The following DDX31 variants were observed in gnomAD, a reference collection of about 807,000 sequenced individuals.
DDX31 encodes the protein DEAD-box helicase 31, also known as ATP-dependent DNA helicase DDX31.
DDX31 carries 70 observed loss-of-function variants against 91.3 expected under a neutral mutation model. The ratio of observed to expected loss-of-function variants is 0.77; its 90% CI spans 0.63 to 0.94. The LOEUF is 0.94. Among genes scored for constraint, DDX31 ranks in the 40% least tolerant of loss-of-function variants. The pLI is 0.00. For synonymous variants in DDX31, 362 were observed against 350.6 expected (o/e 1.03, Z -0.36); for missense variants, 902 against 925.0 (o/e 0.98, Z 0.32).
intron 19 of DDX31, among the ~76,000 whole-genome samples, chr9:132,597,079 CTG>C (rs2119170261): frequency 6.6e-6 from 1 of 152,274 alleles, no homozygotes; most frequent in Admixed American, 6.5e-5. Flanking sequence ...CATTAGGAAA[CTG>C]AGGTCTGGAG....
intron 19 of DDX31, among the ~76,000 whole-genome samples, chr9:132,610,878 C>T (rs1008821579): frequency 3.3e-5 from 5 of 152,306 alleles, no homozygotes; most frequent in African/African-American, 7.2e-5. Flanking sequence ...CACATCAGAA[C>T]GGAGCCGACT....
At chr9:132,621,754 ATTC>A (rs1198818077) in intron 17 of DDX31, among the ~76,000 whole-genome samples, 3 of 152,244 alleles carry the variant, frequency 2.0e-5, no homozygotes, top group African/African-American at 4.8e-5. Context: ...CATCTACTTT[ATTC>A]TTCTTACTAC....
intron 14 of DDX31, among the ~76,000 whole-genome samples, chr9:132,633,304 T>C (rs567560005): frequency 7.2e-4 from 110 of 152,304 alleles, no homozygotes; most frequent in African/African-American, 2.5e-3. Context: ...TTGGGTAGTA[T>C]CTAGCAAAAT....
chr9:132,594,981 C>T lies in DDX31; in HGVS notation c.2126G>A (p.Arg709Gln), dbSNP rs1212041379. ...KQNAPGEPGGRPLQHSLQPTP... is the reference protein window; with the variant it reads ...KQNAPGEPGGQPLQHSLQPTP... ...CGGCTGCAGACTGTGCTGCAGGGGC[C>T]GGCCACCAGGCTCTCCAGGTGCGTT... is the stretch of plus-strand genomic sequence containing the variant. The change falls in exon 20 of 20, where the codon CGG becomes CAG. Residue 709 changes from arginine (R) to glutamine (Q), a missense_variant. Coordinates refer to ENST00000372159, the MANE Select transcript of DDX31 (RefSeq NM_022779.9). 12 of 1,614,052 alleles carry T rather than the reference C, an allele frequency of 7.4e-6. No individual in the cohort carries two copies. The highest frequency in any genetic ancestry group is 4.5e-5 in the East Asian group (2 of 44,892).
At chr9:132,597,230 C>T (rs141635353) in intron 19 of DDX31, among the ~76,000 whole-genome samples, 5 of 152,294 alleles carry the variant, frequency 3.3e-5, no homozygotes, top group Middle Eastern at 3.4e-3. Context: ...CCGCCCAGTG[C>T]GGACCATGTG....
chr9:132,641,769 A>AC (rs1833517544), intron 14 of DDX31, among the ~76,000 whole-genome samples: 1 of 152,330 alleles, frequency 6.6e-6, no homozygotes, highest in South Asian at 2.1e-4. Flanking sequence ...TTTCAGACCA[A>AC]CAGCTGCCAC....
At chr9:132,604,715 C>T (rs1435626447) in intron 19 of DDX31, among the ~76,000 whole-genome samples, 1 of 152,180 alleles carries the variant, frequency 6.6e-6, no homozygotes, top group Non-Finnish European at 1.5e-5. Context: ...CAGCAGACTT[C>T]CAGAGCACAT....
intron 17 of DDX31, among the ~76,000 whole-genome samples, chr9:132,619,682 G>T (rs1243177708): frequency 1.3e-5 from 2 of 152,022 alleles, no homozygotes; most frequent in Non-Finnish European, 2.9e-5. Context: ...TCAATACAAG[G>T]TCCCCCTAAG....
intron 19 of DDX31, among the ~76,000 whole-genome samples, chr9:132,604,930 G>A (rs570693488): frequency 6.6e-6 from 1 of 152,258 alleles, no homozygotes; most frequent in African/African-American, 2.4e-5. Context: ...CTTCACCAGG[G>A]AACAGAACCA....
intron 9 of DDX31, among the ~76,000 whole-genome samples, chr9:132,649,392 A>G (rs1171784404): frequency 6.6e-6 from 1 of 152,238 alleles, no homozygotes; most frequent in Admixed American, 6.5e-5. Flanking sequence ...GCAAGAAATT[A>G]GATGCAATGG....
chr9:132,657,882 T>C (rs1400037399), intron 6 of DDX31, among the ~76,000 whole-genome samples: 2 of 152,162 alleles, frequency 1.3e-5, no homozygotes, highest in Non-Finnish European at 2.9e-5. Context: ...TTCTACATAA[T>C]CTCAAAAATG....
At chr9:132,613,273 GGAAT>G (rs1164998220) in intron 18 of DDX31, among the ~76,000 whole-genome samples, 1 of 151,864 alleles carries the variant, frequency 6.6e-6, no homozygotes. Context: ...TGTAAAAAAG[GGAAT>G]GAAACAAATG....
At chr9:132,654,469 C>T (rs1834419904) in intron 6 of DDX31, among the ~76,000 whole-genome samples, 1 of 151,740 alleles carries the variant, frequency 6.6e-6, no homozygotes, top group Non-Finnish European at 1.5e-5. Flanking sequence ...AAAAATTAGC[C>T]AGGCGTGGTG....
intron 19 of DDX31, among the ~76,000 whole-genome samples, chr9:132,605,061 A>G (rs1203384805): frequency 6.6e-5 from 10 of 152,208 alleles, no homozygotes; most frequent in Admixed American, 6.5e-4. Context: ...AGCAGCCCCT[A>G]GAGTTCTGAA....
intron 19 of DDX31, among the ~76,000 whole-genome samples, chr9:132,607,068 A>G (rs1192395045): frequency 6.6e-6 from 1 of 152,204 alleles, no homozygotes; most frequent in African/African-American, 2.4e-5. Context: ...GGTGTGTATG[A>G]TTTCCACGAG....
intron 14 of DDX31, among the ~76,000 whole-genome samples, chr9:132,632,310 A>ACACACACACACACACACACACACACAC (rs1192130475): frequency 6.8e-6 from 1 of 147,774 alleles, no homozygotes; most frequent in Non-Finnish European, 1.5e-5. Context: ...TCCTGCATAC[A>ACACACACACACACACACACACACACAC]ACTTCAGGGG....
intron 1 of DDX31, among the ~76,000 whole-genome samples, chr9:132,667,447 A>C (rs957804734): frequency 6.6e-6 from 1 of 151,916 alleles, no homozygotes; most frequent in African/African-American, 2.4e-5. Flanking sequence ...TTAAAAATTC[A>C]AAAAAATTAG....
chr9:132,669,461 T>A, intron 1 of DDX31: 1 of 633,398 alleles, frequency 1.6e-6, no homozygotes, highest in Non-Finnish European at 2.4e-6. Flanking sequence ...GACAGGAATG[T>A]GGGCAAGATA....
chr9:132,629,740 G>A (rs1832610785), intron 16 of DDX31, among the ~76,000 whole-genome samples: 1 of 152,212 alleles, frequency 6.6e-6, no homozygotes, highest in South Asian at 2.1e-4. Context: ...GCTTTACGCA[G>A]AGGTATGAGG....
Sources: gnomAD v4.1 joint callset for allele counts (sites outside exome capture counted in the v4.1 genomes callset) on GRCh38, gnomAD v4.1.1 for gene constraint, MANE v1.5 for transcripts, NCBI Gene and HGNC (gene_info 2026-07-23, HGNC 2026-07-21) for gene names.